NOD1: variants seen among roughly 807,000 people sequenced by gnomAD.
NOD1 encodes nucleotide binding oligomerization domain containing 1, also known as nucleotide-binding oligomerization domain-containing protein 1.
NOD1 carries 70 observed loss-of-function variants against 81.2 expected under a neutral mutation model. That is an observed-to-expected ratio of 0.86 (90% CI 0.71 to 1.05). The LOEUF (loss-of-function observed/expected upper bound fraction) is 1.05. Among genes scored for constraint, NOD1 ranks in the 50% least tolerant of loss-of-function variants. The pLI is 0.00. For synonymous variants in NOD1, 508 were observed against 526.9 expected (o/e 0.96, Z 0.49); for missense variants, 1,233 against 1,228.0 (o/e 1.00, Z -0.06).
At chr7:30,448,022 T>G (rs921668195) in intron 7 of NOD1, 2 of 413,794 alleles carry the variant, frequency 4.8e-6, no homozygotes, top group Non-Finnish European at 8.8e-6. Context: ...ATTAAATATA[T>G]CCCCTTATAT....
chr7:30,437,460 A>G, intron 10 of NOD1, 113 bp downstream of exon 10: 1 of 594,606 alleles, frequency 1.7e-6, no homozygotes, highest in Non-Finnish European at 2.7e-6. Flanking sequence ...AGTAAGGAAA[A>G]TCACACATGC....
Position 30,433,075 on chromosome 7 carries a change from T to C in NOD1, c.2705+21A>G, listed in dbSNP as rs1784078577. 14 of 1,564,526 alleles carry C rather than the reference T, an allele frequency of 8.9e-6. No homozygotes were observed. The East Asian group carries it at 3.1e-4, about 35-fold the overall frequency. On this transcript the variant is annotated intron_variant, in intron 12 of 13. Transcript: ENST00000222823. Reference sequence around the variant, plus strand: ...TTTTGAAAAGTAGCACAGTCTGAAATTGTAAGGCTCTCTGAGTTACCATAA... The same window carrying C: ...TTTTGAAAAGTAGCACAGTCTGAAACTGTAAGGCTCTCTGAGTTACCATAA...
At chr7:30,434,545 A>G (rs966772170) in intron 11 of NOD1, among the ~76,000 whole-genome samples, 1 of 152,216 alleles carries the variant, frequency 6.6e-6, no homozygotes, top group Non-Finnish European at 1.5e-5. Flanking sequence ...ATATTTTTAG[A>G]GCCACTGCTT....
chr7:30,447,263 G>A (rs535319926), intron 7 of NOD1: 11 of 645,818 alleles, frequency 1.7e-5, no homozygotes, highest in East Asian at 1.2e-4. Context: ...GACAAGTCAC[G>A]TTACCTCTCT....
chr7:30,474,581 G>A (rs1045018011), intron 1 of NOD1, among the ~76,000 whole-genome samples: 1 of 152,232 alleles, frequency 6.6e-6, no homozygotes, highest in Non-Finnish European at 1.5e-5. Context: ...TCGCGTGTGC[G>A]GTTCACCATA....
At position 30,425,602 on chromosome 7, in the gene NOD1, C is replaced by G. The variant is rs983468606; in HGVS notation, c.*36G>C. 6.5e-7 allele frequency: 1 copy of G among 1,530,216 alleles called. No individual in the cohort carries two copies. Among genetic ancestry groups the G allele is most frequent in the Non-Finnish European group, 9.1e-7 (1 of 1,103,248 alleles). 94.8% of individuals were successfully genotyped at this position (1,530,216 alleles called of 1,614,324 possible). On this transcript the variant is annotated 3_prime_UTR_variant, in exon 14 of 14. Coordinates refer to ENST00000222823, the MANE Select transcript of NOD1 (RefSeq NM_006092.4). ...CAGAGTGGCATTTGCTGCTGAGGCT[C>G]CAGGGCAAAAACCCCATGAACAGGA...
chr7:30,456,572 C>T, intron 4 of NOD1, 149 bp downstream of exon 4: 4 of 659,066 alleles, frequency 6.1e-6, no homozygotes, highest in Non-Finnish European at 1.1e-5. Flanking sequence ...AACCTGCTAA[C>T]CCAGGCATTT....
At chr7:30,446,058 A>C in intron 9 of NOD1, 83 bp downstream of exon 9, 1 of 1,018,902 alleles carries the variant, frequency 9.8e-7, no homozygotes, top group Non-Finnish European at 1.6e-6. Context: ...CTTCTGGTGT[A>C]CTGATGTATG....
Position 30,425,620 on chromosome 7 carries a change from G to C in NOD1, c.*18C>G. 1 of 1,603,382 alleles carries C rather than the reference G, an allele frequency of 6.2e-7. No homozygotes were observed. Among genetic ancestry groups the C allele is most frequent in the South Asian group, 1.1e-5 (1 of 90,862 alleles). The stretch of plus-strand genomic sequence containing the variant: ...TGAGGCTCCAGGGCAAAAACCCCAT[G>C]AACAGGAAAGCATCCTCTCAGAAAC... On this transcript the variant is annotated 3_prime_UTR_variant, in exon 14 of 14. Transcript: ENST00000222823.
chr7:30,464,868 G>C (rs969388738), intron 1 of NOD1, among the ~76,000 whole-genome samples: 1 of 152,200 alleles, frequency 6.6e-6, no homozygotes, highest in Non-Finnish European at 1.5e-5. Flanking sequence ...CTAGGCCAGG[G>C]CTGGCACTCA....
intron 9 of NOD1, among the ~76,000 whole-genome samples, chr7:30,445,892 G>A (rs1235311155): frequency 6.6e-6 from 1 of 151,788 alleles, no homozygotes; most frequent in African/African-American, 2.4e-5. Context: ...ACATGAGGTA[G>A]AGTAGTCAAA....
At chr7:30,432,008 G>C (rs1285955050) in intron 12 of NOD1, among the ~76,000 whole-genome samples, 3 of 152,134 alleles carry the variant, frequency 2.0e-5, no homozygotes, top group Non-Finnish European at 4.4e-5. Context: ...AGGAGGCTGA[G>C]GCAGAAGAAT....
intron 12 of NOD1, 54 bp from the exon 13 acceptor site, chr7:30,429,511 C>A: frequency 6.6e-7 from 1 of 1,523,926 alleles, no homozygotes; most frequent in South Asian, 1.1e-5. Flanking sequence ...CAAATTTGAC[C>A]CCTTCGTAAG....
At chr7:30,426,744 G>A (rs1783490101) in intron 13 of NOD1, among the ~76,000 whole-genome samples, 1 of 152,012 alleles carries the variant, frequency 6.6e-6, no homozygotes, top group South Asian at 2.1e-4. Flanking sequence ...CTTCCACACT[G>A]TCTGAACCCT....
chr7:30,472,688 G>T (rs1046596806), intron 1 of NOD1, among the ~76,000 whole-genome samples: 2 of 152,210 alleles, frequency 1.3e-5, no homozygotes, highest in African/African-American at 4.8e-5. Flanking sequence ...TGGGATTAGT[G>T]CCCTTATAGC....
In NOD1 at chr7:30,478,108, C is replaced by T. The variant is rs1304978109; in HGVS notation, c.-352+498G>A. Among the ~76,000 whole-genome samples the T allele has an allele frequency of 4.7e-4, 71 of 152,152 alleles. 1 individual carries two copies. Among genetic ancestry groups the T allele is most frequent in the Non-Finnish European group, 1.5e-5 (1 of 68,020 alleles). ...CCAAGGGAAGTTCTCACCCTCTCTC[C>T]AGGACCAAGCAGGACACTGGGAGCT... On this transcript the variant is annotated intron_variant, in intron 1 of 13. Coordinates refer to ENST00000222823, the MANE Select transcript of NOD1 (RefSeq NM_006092.4). This position sits in a 1 kb window ranked among gnomAD's most constrained non-coding sequence, Gnocchi z 4.1.
intron 7 of NOD1, chr7:30,447,298 TAC>T (rs1583725257): frequency 1.8e-6 from 1 of 540,956 alleles, no homozygotes; most frequent in East Asian, 3.7e-5. Context: ...CCATCTGTAA[TAC>T]AGAGGTAATG....
At chr7:30,458,818 C>T (rs1423308583) in intron 3 of NOD1, among the ~76,000 whole-genome samples, 2 of 150,444 alleles carry the variant, frequency 1.3e-5, no homozygotes, top group African/African-American at 4.9e-5. Context: ...CTCACTGCAA[C>T]ATCTGCCTCC....
chr7:30,425,674 T>C lies in NOD1; in HGVS notation c.2826A>G (p.Lys942=). The C allele has an allele frequency of 6.2e-7, 1 of 1,613,878 alleles. No individual in the cohort carries two copies. The highest frequency in any genetic ancestry group is 8.5e-7 in the Non-Finnish European group (1 of 1,179,774). The part of the protein sequence containing the change: ...NGNLIKPEEA[K]VYEDEKRIIC... Reference sequence around the variant, plus strand: ...TAATCCGCTTCTCATCTTCATAGACTTTGGCCTCCTCTGGTTTTATCAGGT... The same window carrying C: ...TAATCCGCTTCTCATCTTCATAGACCTTGGCCTCCTCTGGTTTTATCAGGT... The change falls in exon 14 of 14, where the codon AAA becomes AAG. Residue 942 remains lysine, a synonymous_variant. Transcript: ENST00000222823.
Sources: gnomAD v4.1 joint callset for allele counts (sites outside exome capture counted in the v4.1 genomes callset) on GRCh38, gnomAD v4.1.1 for gene constraint, Gnocchi (gnomAD v3.1) non-coding constraint, MANE v1.5 for transcripts, NCBI Gene and HGNC (gene_info 2026-07-23, HGNC 2026-07-21) for gene names.